The following ACOT7 variants were observed in gnomAD, a reference collection of about 807,000 sequenced individuals.
ACOT7 encodes the protein cytosolic acyl coenzyme A thioester hydrolase.
Under a neutral mutation model 40.2 loss-of-function variants are expected in ACOT7, and 12 were observed. The observed-to-expected ratio is 0.30, with a 90% confidence interval of 0.19 to 0.48. ACOT7 has a LOEUF of 0.48. Ranked by LOEUF, ACOT7 falls within the 20% of genes least tolerant of loss-of-function variation. The pLI, the probability that ACOT7 is intolerant of heterozygous loss-of-function variation, is 0.99. For synonymous variants in ACOT7, 228 were observed against 219.5 expected (o/e 1.04, Z -0.34); for missense variants, 395 against 530.8 (o/e 0.74, Z 2.51).
At chr1:6,393,116 G>T in intron 1 of ACOT7, 141 bp downstream of exon 1, 2 of 976,092 alleles carry the variant, frequency 2.0e-6, no homozygotes, top group Non-Finnish European at 2.5e-6. Context: ...GGCGTCCGGG[G>T]CGGCGGCGCG....
chr1:6,289,248 T>C lies in ACOT7; in HGVS notation c.829+5616A>G, dbSNP rs1188079329. ...CCGAGTAGCTGGGATTACAGGCGCC[T>C]GCCCCCACGCCCGGCTAATTTTTGT... On this transcript the variant is annotated intron_variant, in intron 7 of 8. Transcript: ENST00000361521. The surrounding 1 kb of genome is among the most constrained non-coding windows in gnomAD (Gnocchi z 4.6). Among the ~76,000 whole-genome samples, 1 of 152,042 alleles carries C rather than the reference T, an allele frequency of 6.6e-6. No homozygotes were observed. The highest frequency in any genetic ancestry group is 2.4e-5 in the African/African-American group (1 of 41,384).
At chr1:6,336,482 C>T (rs72858343) in intron 3 of ACOT7, among the ~76,000 whole-genome samples, 9,081 of 152,070 alleles carry the variant, frequency 0.06, 789 homozygotes, top group African/African-American at 0.19. Flanking sequence ...GCAAGGTTTG[C>T]GGGTCGTCTG....
intron 1 of ACOT7, among the ~76,000 whole-genome samples, chr1:6,373,282 G>A (rs1041012873): frequency 1.3e-5 from 2 of 151,534 alleles, no homozygotes; most frequent in East Asian, 2.0e-4. Flanking sequence ...AAGGAGTCTC[G>A]CTCTGTTGCC....
chr1:6,351,995 A>T (rs991094721), intron 1 of ACOT7, among the ~76,000 whole-genome samples: 1 of 152,166 alleles, frequency 6.6e-6, no homozygotes, highest in Non-Finnish European at 1.5e-5. Context: ...TCAGGAGTAC[A>T]TGCCAGGAAC....
At chr1:6,326,871 G>A (rs1395074415) in intron 5 of ACOT7, among the ~76,000 whole-genome samples, 1 of 150,976 alleles carries the variant, frequency 6.6e-6, no homozygotes, top group Admixed American at 6.6e-5. Flanking sequence ...GGCAGAGGCT[G>A]CAGTGAGCCA....
At chr1:6,360,488 G>C in intron 1 of ACOT7, 1 of 1,558,164 alleles carries the variant, frequency 6.4e-7, no homozygotes, top group East Asian at 2.3e-5. Context: ...CTCCCACCCT[G>C]GCACACAGGA....
intron 8 of ACOT7, among the ~76,000 whole-genome samples, chr1:6,273,727 G>A (rs1286420269): frequency 6.6e-6 from 1 of 152,280 alleles, no homozygotes; most frequent in East Asian, 1.9e-4. Flanking sequence ...GGAAGCCAGT[G>A]TAAGAGCCCG....
intron 2 of ACOT7, 41 bp from the exon 3 acceptor site, chr1:6,339,630 C>T: frequency 6.3e-7 from 1 of 1,599,438 alleles, no homozygotes; most frequent in Non-Finnish European, 8.5e-7. Flanking sequence ...GTCAGCCAGC[C>T]CAGCCCCGAG....
chr1:6,268,682 GC>G (rs1173826758), intron 8 of ACOT7, among the ~76,000 whole-genome samples: 1 of 152,242 alleles, frequency 6.6e-6, no homozygotes, highest in Non-Finnish European at 1.5e-5. Flanking sequence ...ACGCGGCACG[GC>G]CCGAACGGCA....
At chr1:6,302,915 T>C (rs1640011953) in intron 6 of ACOT7, among the ~76,000 whole-genome samples, 1 of 152,162 alleles carries the variant, frequency 6.6e-6, no homozygotes, top group South Asian at 2.1e-4. Context: ...CTACAATCAA[T>C]GTGTTAACTG....
chr1:6,269,106 A>G (rs561880714), intron 8 of ACOT7, among the ~76,000 whole-genome samples: 5 of 152,320 alleles, frequency 3.3e-5, no homozygotes, highest in African/African-American at 1.2e-4. Flanking sequence ...CACAGAAATG[A>G]TTGTCCACTT....
intron 4 of ACOT7, among the ~76,000 whole-genome samples, chr1:6,331,286 A>C (rs548395808): frequency 3.3e-5 from 5 of 152,342 alleles, no homozygotes; most frequent in African/African-American, 1.2e-4. Flanking sequence ...AGTTGTAAAC[A>C]GTTAGAATGA....
At chr1:6,349,101 G>A (rs1641516313) in intron 2 of ACOT7, among the ~76,000 whole-genome samples, 1 of 152,162 alleles carries the variant, frequency 6.6e-6, no homozygotes, top group African/African-American at 2.4e-5. Flanking sequence ...CAGAGAAAAT[G>A]TCCCCTCCCC....
chr1:6,368,914 C>G (rs981760792), intron 1 of ACOT7, among the ~76,000 whole-genome samples: 3 of 152,216 alleles, frequency 2.0e-5, no homozygotes, highest in Non-Finnish European at 4.4e-5. Context: ...AGATGGCCCA[C>G]CATTGCCATT....
Position 6,354,695 on chromosome 1 carries a change from C to T in ACOT7, c.144-4829G>A, listed in dbSNP as rs533300804. 3.4e-5 allele frequency among the ~76,000 whole-genome samples: 3 copies of T among 87,458 alleles called. No individual in the cohort carries two copies. In the South Asian group the frequency reaches 1.6e-3, roughly 48 times the overall value. The allele number at this position is 87,458 out of a possible 152,430, so 57.4% of individuals were successfully genotyped here. A position where few individuals can be genotyped will look rare whatever the true frequency, so the allele number is the denominator to read the frequency against. On this transcript the variant is annotated intron_variant, in intron 1 of 8. Coordinates refer to ENST00000361521, the MANE Select transcript of ACOT7 (RefSeq NM_007274.4). ...GCACTGGCCTCTAGCCCCCCCATGG[C>T]CTCTACACTGGCCTCTAGCCCCCCC... is the stretch of plus-strand genomic sequence containing the variant.
Position 6,264,293 on chromosome 1 carries a change from T to G in ACOT7, c.*304A>C. 4 of 323,172 alleles carry G rather than the reference T, an allele frequency of 1.2e-5. No homozygotes were observed. The highest frequency in any genetic ancestry group is 2.2e-5 in the African/African-American group (1 of 46,250). 20.0% of individuals were successfully genotyped at this position (323,172 alleles called of 1,614,324 possible). On this transcript the variant is annotated 3_prime_UTR_variant, in exon 9 of 9. Coordinates refer to ENST00000361521, the MANE Select transcript of ACOT7 (RefSeq NM_007274.4). ...TGGGTCCAGCCAAGCAGCAGCTTTA[T>G]TAGTGGTGCTGGGTTCTTCCCATAC...
At chr1:6,387,934 G>GTTTTT (rs557741543) in intron 1 of ACOT7, among the ~76,000 whole-genome samples, 1,962 of 139,076 alleles carry the variant, frequency 0.014, 38 homozygotes, top group African/African-American at 0.048. Flanking sequence ...CAGGTTCTTT[G>GTTTTT]TTTTTTTTTT....
chr1:6,265,985 C>T (rs1490444340), intron 8 of ACOT7, among the ~76,000 whole-genome samples: 12 of 152,166 alleles, frequency 7.9e-5, no homozygotes, highest in Non-Finnish European at 8.8e-5. Context: ...CTCTAAATGT[C>T]ACCAGGTGTA....
chr1:6,392,321 C>T (rs955669440), intron 1 of ACOT7, among the ~76,000 whole-genome samples: 1 of 152,202 alleles, frequency 6.6e-6, no homozygotes, highest in Admixed American at 6.5e-5. Flanking sequence ...TAGGACCGGT[C>T]GCAGGCCACA....
Sources: allele counts gnomAD v4.1 joint callset (sites outside exome capture counted in the v4.1 genomes callset), GRCh38; gene constraint gnomAD v4.1.1; non-coding constraint Gnocchi (gnomAD v3.1); transcripts MANE v1.5; gene names NCBI Gene and HGNC (gene_info 2026-07-23, HGNC 2026-07-21).